The following SIPA1L3 variants were observed in gnomAD, a reference collection of about 807,000 sequenced individuals.
SIPA1L3 encodes signal induced proliferation associated 1 like 3, also known as signal-induced proliferation-associated 1-like protein 3.
SIPA1L3 carries 59 observed loss-of-function variants against 150.1 expected under a neutral mutation model. That is an observed-to-expected ratio of 0.39 (90% CI 0.32 to 0.49). SIPA1L3 has a LOEUF of 0.49. Ranked by LOEUF, SIPA1L3 falls within the 20% of genes least tolerant of loss-of-function variation. The pLI, the probability that SIPA1L3 is intolerant of heterozygous loss-of-function variation, is 0.86. For missense variants in SIPA1L3, 2,211 were observed against 2,489.5 expected (o/e 0.89, Z 2.38); for synonymous variants, 1,070 against 1,077.6 (o/e 0.99, Z 0.14).
intron 4 of SIPA1L3, among the ~76,000 whole-genome samples, chr19:38,098,540 A>G (rs372916760): frequency 9.2e-5 from 14 of 151,970 alleles, no homozygotes; most frequent in Non-Finnish European, 1.9e-4. Flanking sequence ...GATTACAGGC[A>G]TGCACCACCA....
At chr19:37,979,556 C>CAA (rs56926575) in intron 1 of SIPA1L3, among the ~76,000 whole-genome samples, 4 of 119,992 alleles carry the variant, frequency 3.3e-5, no homozygotes, top group Non-Finnish European at 5.7e-5. Flanking sequence ...GACTCTGTCT[C>CAA]AAAAAAAAAA....
intron 1 of SIPA1L3, among the ~76,000 whole-genome samples, chr19:37,912,024 A>T (rs1416984847): frequency 6.6e-6 from 1 of 151,858 alleles, no homozygotes; most frequent in African/African-American, 2.4e-5. Flanking sequence ...GTGAGCCAAG[A>T]TTGTGCCACT....
At chr19:38,010,286 TA>T (rs1237946803) in intron 1 of SIPA1L3, among the ~76,000 whole-genome samples, 1 of 151,990 alleles carries the variant, frequency 6.6e-6, no homozygotes, top group Non-Finnish European at 1.5e-5. Flanking sequence ...CTCACGCTTA[TA>T]ACCCCAGCCC....
At chr19:38,048,006 G>A (rs1018644554) in intron 2 of SIPA1L3, among the ~76,000 whole-genome samples, 5 of 152,154 alleles carry the variant, frequency 3.3e-5, no homozygotes, top group Non-Finnish European at 7.4e-5. Context: ...CTGAGCTCTC[G>A]TGCACAGAGA....
intron 13 of SIPA1L3, among the ~76,000 whole-genome samples, chr19:38,153,576 A>G (rs1379373929): frequency 1.3e-5 from 2 of 150,914 alleles, no homozygotes; most frequent in African/African-American, 4.9e-5. Flanking sequence ...AGGCTGAGGC[A>G]GGAGAATCAC....
chr19:37,974,711 G>A (rs565760526), intron 1 of SIPA1L3, among the ~76,000 whole-genome samples: 17 of 152,148 alleles, frequency 1.1e-4, no homozygotes, highest in Admixed American at 4.6e-4. Context: ...TTGAGTTGAC[G>A]TGATTGTGCC....
intron 1 of SIPA1L3, among the ~76,000 whole-genome samples, chr19:37,949,113 C>T (rs550044314): frequency 1.3e-5 from 2 of 152,354 alleles, no homozygotes; most frequent in East Asian, 1.9e-4. Flanking sequence ...CTAGGACTTG[C>T]ACTGTCTCCT....
chr19:37,965,317 G>GTTTT lies in SIPA1L3; in HGVS notation c.-379+57973_-379+57976dup, dbSNP rs566071263. Among the ~76,000 whole-genome samples the GTTTT allele has an allele frequency of 6.7e-5, 9 of 133,698 alleles. 1 individual carries two copies. The highest frequency in any genetic ancestry group is 1.7e-4 in the African/African-American group (6 of 36,220). The allele number at this position is 133,698 out of a possible 152,430, so 87.7% of individuals were successfully genotyped here. The stretch of plus-strand genomic sequence containing the variant: ...TTTATCAGTTCTTTTTATATTTCTA[G>GTTTT]TTTTTTTTTTTTTTTTTGAGAAGGC... On this transcript the variant is annotated intron_variant, in intron 1 of 21. Transcript: ENST00000222345.
intron 1 of SIPA1L3, among the ~76,000 whole-genome samples, chr19:37,966,057 T>C (rs73034929): frequency 0.15 from 22,942 of 151,854 alleles, 1,953 homozygotes; most frequent in Middle Eastern, 0.28. Context: ...GCTAGTACCA[T>C]TTGGTTAGAC....
chr19:38,092,236 G>T (rs1970276610), intron 4 of SIPA1L3, among the ~76,000 whole-genome samples: 1 of 151,940 alleles, frequency 6.6e-6, no homozygotes, highest in Non-Finnish European at 1.5e-5. Context: ...AAAAATACCA[G>T]ACTATAGCAT....
At chr19:38,077,707 G>C (rs1336283456) in intron 2 of SIPA1L3, among the ~76,000 whole-genome samples, 2 of 95,076 alleles carry the variant, frequency 2.1e-5, no homozygotes, top group Non-Finnish European at 3.7e-5. Flanking sequence ...GTCTCACTCT[G>C]TTGCCTAGGC....
chr19:38,204,038 C>T lies in SIPA1L3; in HGVS notation c.5121-89C>T, dbSNP rs1973149114. The T allele has an allele frequency of 1.8e-5, 18 of 1,003,610 alleles. 1 individual carries two copies. In the South Asian group the frequency reaches 2.5e-4, roughly 14 times the overall value. 62.2% of individuals were successfully genotyped at this position (1,003,610 alleles called of 1,614,324 possible). On this transcript the variant is annotated intron_variant, in intron 20 of 21. Transcript: ENST00000222345. ...TGCTAGAATGTCAGGGATAAGGGGG[C>T]CTGTACCCCCAGGCTCCTCAGATGT...
chr19:38,126,781 C>A (rs1222188221), intron 9 of SIPA1L3, among the ~76,000 whole-genome samples: 2 of 152,030 alleles, frequency 1.3e-5, no homozygotes, highest in Non-Finnish European at 2.9e-5. Flanking sequence ...GGTGATCTGC[C>A]CACCTCAGCC....
At chr19:38,159,686 G>A (rs879243604) in intron 13 of SIPA1L3, among the ~76,000 whole-genome samples, 7 of 152,366 alleles carry the variant, frequency 4.6e-5, no homozygotes, top group Admixed American at 1.3e-4. Context: ...CCCACTGTGC[G>A]ACCTTGGACC....
At chr19:38,088,510 T>A (rs1391124089) in intron 3 of SIPA1L3, among the ~76,000 whole-genome samples, 2 of 152,256 alleles carry the variant, frequency 1.3e-5, no homozygotes, top group Non-Finnish European at 2.9e-5. Context: ...AGAAAAGTTC[T>A]GTGGCTTGGC....
At chr19:38,120,914 G>A (rs919093568) in intron 9 of SIPA1L3, among the ~76,000 whole-genome samples, 2 of 152,260 alleles carry the variant, frequency 1.3e-5, no homozygotes, top group Non-Finnish European at 2.9e-5. Flanking sequence ...TAACACGGCA[G>A]TTCAGAGCAC....
intron 1 of SIPA1L3, among the ~76,000 whole-genome samples, chr19:37,994,948 A>G (rs1967597327): frequency 6.6e-6 from 1 of 151,830 alleles, no homozygotes; most frequent in Non-Finnish European, 1.5e-5. Context: ...TCTGTGTTCA[A>G]CCCTCTGTGT....
At position 38,082,105 on chromosome 19, in the gene SIPA1L3, C is replaced by A; in HGVS notation, c.540C>A (p.Asp180Glu). The change falls in exon 3 of 22, where the codon GAC becomes GAA. Residue 180 changes from aspartate (D) to glutamate (E), a missense_variant. By Grantham distance (45) the Asp-to-Glu change is conservative. Around this residue, in one of 5 missense-constraint regions of SIPA1L3, gnomAD observed 587 missense variants for 534.5 expected, o/e 1.10. Coordinates refer to ENST00000222345, the MANE Select transcript of SIPA1L3 (RefSeq NM_015073.3). ...GCGAGATCACCCTCAGCGAGTGTGACGCGGAGGACGCGGGGGAGCCGCGGG... is the reference window on the plus strand; with the variant it reads ...GCGAGATCACCCTCAGCGAGTGTGAAGCGGAGGACGCGGGGGAGCCGCGGG... ...SSSEITLSEC[D>E]AEDAGEPRGA... 1 of 1,608,536 alleles carries A rather than the reference C, an allele frequency of 6.2e-7. No homozygotes were observed. The highest frequency in any genetic ancestry group is 8.5e-7 in the Non-Finnish European group (1 of 1,179,160).
Position 38,087,033 on chromosome 19 carries a change from G to C in SIPA1L3, c.1535-1688G>C, listed in dbSNP as rs1422487457. 2.6e-5 allele frequency among the ~76,000 whole-genome samples: 4 copies of C among 152,296 alleles called. No homozygotes were observed. The South Asian group carries it at 6.2e-4, about 24-fold the overall frequency. On this transcript the variant is annotated intron_variant, in intron 3 of 21. Transcript: ENST00000222345. The stretch of plus-strand genomic sequence containing the variant: ...ATGTCCAGATATTGAGGATAAGGTT[G>C]GGGGGCAGGGTTCTTGCTAAACTGA...
Sources: allele counts gnomAD v4.1 joint callset (sites outside exome capture counted in the v4.1 genomes callset), GRCh38; gene constraint gnomAD v4.1.1; regional missense constraint gnomAD v4.1.1; transcripts MANE v1.5; gene names NCBI Gene and HGNC (gene_info 2026-07-23, HGNC 2026-07-21).